GPHN: variants seen among roughly 807,000 people sequenced by gnomAD.
GPHN encodes gephyrin.
In GPHN, 17 loss-of-function variants were observed where a neutral mutation model predicts 95.5. The ratio of observed to expected loss-of-function variants is 0.18; its 90% CI spans 0.12 to 0.27. GPHN has a LOEUF of 0.27. Among genes scored for constraint, GPHN ranks in the 10% least tolerant of loss-of-function variants. The probability of loss-of-function intolerance (pLI) is 1.00; values close to 1 mark genes in which losing one functional copy is unlikely to be tolerated. For missense variants in GPHN, 660 were observed against 978.1 expected, an observed-to-expected ratio of 0.67 and a Z score of 4.34; for synonymous variants, 320 against 322.5, an observed-to-expected ratio of 0.99 and a Z score of 0.08.
chr14:66,646,151 A>C (rs1299774884), intron 1 of GPHN, among the ~76,000 whole-genome samples: 1 of 152,188 alleles, frequency 6.6e-6, no homozygotes, highest in Non-Finnish European at 1.5e-5. Flanking sequence ...TTGAATACAC[A>C]TTTGTATTAT....
chr14:67,179,087 A>AT (rs2083181019), intron 21 of GPHN, among the ~76,000 whole-genome samples: 1 of 152,182 alleles, frequency 6.6e-6, no homozygotes, highest in South Asian at 2.1e-4. Flanking sequence ...GACTTCCTGT[A>AT]TTAAGAATAT....
the GPHN span, chr14:67,569,932 C>T: frequency 6.2e-7 from 1 of 1,607,458 alleles, no homozygotes; most frequent in South Asian, 1.1e-5. Context: ...TTCAAGCCCT[C>T]CTGCCCTTGT....
chr14:67,579,837 G>T, the GPHN span: 1 of 1,606,976 alleles, frequency 6.2e-7, no homozygotes, highest in Admixed American at 1.7e-5. Context: ...ACGATCCCTC[G>T]GGCAGGGACC....
intron 21 of GPHN, among the ~76,000 whole-genome samples, chr14:67,175,600 T>C (rs573644560): frequency 4.6e-5 from 7 of 152,302 alleles, no homozygotes; most frequent in African/African-American, 1.7e-4. Flanking sequence ...AGTAGTTTTT[T>C]CCAATTTTGT....
intron 2 of GPHN, among the ~76,000 whole-genome samples, chr14:66,730,073 G>T (rs1040964015): frequency 5.3e-5 from 8 of 152,156 alleles, no homozygotes; most frequent in African/African-American, 1.9e-4. Flanking sequence ...TATATAATAT[G>T]GTAACTATAC....
intron 1 of GPHN, among the ~76,000 whole-genome samples, chr14:66,608,183 G>GGTTCT (rs1389942362): frequency 6.6e-6 from 1 of 151,170 alleles, no homozygotes; most frequent in Non-Finnish European, 1.5e-5. Context: ...GTTAATATGT[G>GGTTCT]GTTCTGTTTT....
chr14:67,699,813 T>G, the GPHN span, among the ~76,000 whole-genome samples: 1 of 152,174 alleles, frequency 6.6e-6, no homozygotes, highest in East Asian at 1.9e-4. Context: ...GGAACTCTAT[T>G]TAGATAACCT....
intron 4 of GPHN, among the ~76,000 whole-genome samples, chr14:66,831,693 A>G (rs1230740986): frequency 6.6e-6 from 1 of 152,180 alleles, no homozygotes; most frequent in Non-Finnish European, 1.5e-5. Context: ...TAAATTAGCT[A>G]ATTTTTCTCA....
intron 18 of GPHN, among the ~76,000 whole-genome samples, chr14:67,159,063 C>T (rs1015725912): frequency 2.6e-5 from 4 of 152,100 alleles, no homozygotes; most frequent in South Asian, 2.1e-4. Flanking sequence ...GAAACAATAA[C>T]GCACCAGCTA....
chr14:67,600,291 G>T, the GPHN span: 1 of 1,187,130 alleles, frequency 8.4e-7, no homozygotes, highest in Non-Finnish European at 1.1e-6. Context: ...CCCGCTTCCG[G>T]CAGCCGCGTC....
intron 1 of GPHN, among the ~76,000 whole-genome samples, chr14:66,644,520 A>G (rs2064621465): frequency 6.6e-6 from 1 of 152,144 alleles, no homozygotes; most frequent in Admixed American, 6.5e-5. Flanking sequence ...AGTAATAAAC[A>G]TAGTTATAGA....
chr14:67,582,210 G>A, the GPHN span: 2 of 1,613,684 alleles, frequency 1.2e-6, no homozygotes, highest in Non-Finnish European at 1.7e-6. This position sits in a 1 kb window ranked among gnomAD's most constrained non-coding sequence, Gnocchi z 5.0. Flanking sequence ...TGATGGCCCA[G>A]GTAAGGTTCT....
At chr14:67,241,132 C>G in the GPHN span, 28 of 152,348 alleles carry the variant, frequency 1.8e-4, 2 homozygotes, top group East Asian at 5.4e-3. Context: ...AGGCGCGCGA[C>G]TGCGCGCACC....
At chr14:67,392,567 G>T in the GPHN span, 4 of 1,285,582 alleles carry the variant, frequency 3.1e-6, no homozygotes, top group Non-Finnish European at 4.5e-6. Context: ...CAAGCCCAAG[G>T]TCTCCTCCCA....
chr14:67,112,378 A>G (rs1345617972), intron 15 of GPHN, among the ~76,000 whole-genome samples: 5 of 152,238 alleles, frequency 3.3e-5, no homozygotes. Flanking sequence ...TAAATAGTGC[A>G]TATACCTTAA....
chr14:66,964,641 T>G (rs1266451974), intron 8 of GPHN, among the ~76,000 whole-genome samples: 7 of 152,158 alleles, frequency 4.6e-5, no homozygotes, highest in Non-Finnish European at 1.0e-4. Context: ...GATCTTGAGT[T>G]GAGTGACACA....
At chr14:66,981,609 A>T (rs2070682875) in intron 9 of GPHN, among the ~76,000 whole-genome samples, 1 of 152,178 alleles carries the variant, frequency 6.6e-6, no homozygotes, top group Admixed American at 6.5e-5. Flanking sequence ...TAATTTTTTT[A>T]AAAAGCCATG....
rs535634001 is a variant in GPHN at position 67,179,426 on chromosome 14, G to T, written c.2080-152G>T. On this transcript the variant is annotated intron_variant, in intron 21 of 22. Coordinates refer to ENST00000478722, the MANE Select transcript of GPHN (RefSeq NM_020806.5). ...TTTTTAATTAAATTTTATTTAAAAA[G>T]AAAAAGAACATAAGGTGGTAGTGAC... 1.3e-3 allele frequency: 799 copies of T among 625,590 alleles called. 5 individuals carry two copies. Among genetic ancestry groups the T allele is most frequent in the South Asian group, 6.1e-3 (315 of 51,482 alleles). The allele number at this position is 625,590 out of a possible 1,614,324, so 38.8% of individuals were successfully genotyped here. A position where few individuals can be genotyped will look rare whatever the true frequency, so the allele number is the denominator to read the frequency against.
chr14:67,040,213 A>G (rs962739326), intron 10 of GPHN, among the ~76,000 whole-genome samples: 1 of 152,176 alleles, frequency 6.6e-6, no homozygotes, highest in African/African-American at 2.4e-5. Context: ...CAAGAATAGT[A>G]TAGAGAATTC....
Sources: allele counts gnomAD v4.1 joint callset (sites outside exome capture counted in the v4.1 genomes callset), GRCh38; gene constraint gnomAD v4.1.1; non-coding constraint Gnocchi (gnomAD v3.1); transcripts MANE v1.5; gene names NCBI Gene and HGNC (gene_info 2026-07-23, HGNC 2026-07-21).